CSRNP3: variants seen among roughly 807,000 people sequenced by gnomAD.
CSRNP3 encodes cysteine/serine-rich nuclear protein 3.
In CSRNP3, 12 loss-of-function variants were observed where a neutral mutation model predicts 48.0. The ratio of observed to expected loss-of-function variants is 0.25; its 90% confidence interval spans 0.16 to 0.41. The LOEUF is 0.41. CSRNP3 is among the 10% of genes least tolerant of loss of function. The pLI is 1.00. For synonymous variants in CSRNP3, 263 were observed against 269.7 expected (o/e 0.98, Z 0.24); for missense variants, 580 against 724.4 (o/e 0.80, Z 2.29).
At chr2:165,599,788 C>G (rs1367720711) in intron 4 of CSRNP3, among the ~76,000 whole-genome samples, 1 of 141,956 alleles carries the variant, frequency 7.0e-6, no homozygotes, top group Non-Finnish European at 1.6e-5. Flanking sequence ...TGTTTATAAA[C>G]TTTCAGAAAT....
rs147480191 is a variant in CSRNP3 at position 165,577,475 on chromosome 2, C to T, written c.-23-17568C>T. 3.1e-3 allele frequency among the ~76,000 whole-genome samples: 466 copies of T among 151,766 alleles called. 1 individual carries two copies. The highest frequency in any genetic ancestry group is 4.6e-3 in the Non-Finnish European group (311 of 67,748). Reference sequence around the variant, plus strand: ...TAGCTAAAGTTTATGACTATAAAGGCCAGTTCTTAAAAATGCCAATAGCTG... The same window carrying T: ...TAGCTAAAGTTTATGACTATAAAGGTCAGTTCTTAAAAATGCCAATAGCTG... On this transcript the variant is annotated intron_variant, in intron 3 of 6. Coordinates refer to ENST00000651982, the MANE Select transcript of CSRNP3 (RefSeq NM_001172173.2).
intron 5 of CSRNP3, 151 bp downstream of exon 5, chr2:165,658,171 CTGTT>C: frequency 2.4e-6 from 2 of 843,246 alleles, no homozygotes; most frequent in Non-Finnish European, 3.6e-6. Context: ...ACGATATAGT[CTGTT>C]TGCTAAAAGC....
chr2:165,566,871 G>A (rs1018683816), intron 3 of CSRNP3: 5 of 152,056 alleles, frequency 3.3e-5, no homozygotes, highest in African/African-American at 1.2e-4. Context: ...AATGTAAAAT[G>A]GATGAATGTA....
At chr2:165,535,303 A>ACTTTAG (rs1277889933) in intron 3 of CSRNP3, among the ~76,000 whole-genome samples, 1 of 151,420 alleles carries the variant, frequency 6.6e-6, no homozygotes, top group African/African-American at 2.4e-5. Flanking sequence ...TATTCTAAAT[A>ACTTTAG]CTTTAGCTTG....
intron 4 of CSRNP3, among the ~76,000 whole-genome samples, chr2:165,605,651 T>A (rs988303988): frequency 3.3e-5 from 5 of 152,278 alleles, no homozygotes; most frequent in African/African-American, 9.6e-5. Flanking sequence ...GCCACTGTGC[T>A]ACAGCCTGGA....
intron 3 of CSRNP3, among the ~76,000 whole-genome samples, chr2:165,548,629 T>G (rs1685060687): frequency 6.6e-6 from 1 of 152,082 alleles, no homozygotes; most frequent in African/African-American, 2.4e-5. Flanking sequence ...CACTAGGTCA[T>G]AACATTTTCT....
In CSRNP3 at chr2:165,667,052, A is replaced by AGAAAGAAAGAGAG. The variant is rs1558968323; in HGVS notation, c.408+9032_408+9033insGAAAGAAAGAGAG. ...AGAGGAAGAAAGAAAGAGAGAGAGA[A>AGAAAGAAAGAGAG]AGGAAGGAAGGAAGGAAAGAGAGAG... On this transcript the variant is annotated intron_variant, in intron 5 of 6. Transcript: ENST00000651982. Among the ~76,000 whole-genome samples, 41 of 16,868 alleles carry AGAAAGAAAGAGAG rather than the reference A, an allele frequency of 2.4e-3. 15 individuals are homozygous for AGAAAGAAAGAGAG. The highest frequency in any genetic ancestry group is 0.022 in the East Asian group (13 of 600). The allele number at this position is 16,868 out of a possible 152,430, so 11.1% of individuals were successfully genotyped here.
intron 1 of CSRNP3, among the ~76,000 whole-genome samples, chr2:165,481,793 C>T (rs928379782): frequency 6.6e-6 from 1 of 152,246 alleles, no homozygotes; most frequent in Non-Finnish European, 1.5e-5. Context: ...GAAATAGCTA[C>T]GTGGAGGCCA....
At chr2:165,580,962 T>A (rs1685536553) in intron 3 of CSRNP3, among the ~76,000 whole-genome samples, 1 of 152,190 alleles carries the variant, frequency 6.6e-6, no homozygotes, top group Non-Finnish European at 1.5e-5. Flanking sequence ...AAAATAAATT[T>A]TTCATTAACT....
intron 5 of CSRNP3, 83 bp from the exon 6 acceptor site, chr2:165,676,229 T>C (rs1687421070): frequency 6.3e-6 from 6 of 950,716 alleles, no homozygotes; most frequent in Non-Finnish European, 9.9e-6. Context: ...TGATATATAA[T>C]AGTTCATTCT....
chr2:165,587,366 A>C (rs1227392556), intron 3 of CSRNP3, among the ~76,000 whole-genome samples: 2 of 152,250 alleles, frequency 1.3e-5, no homozygotes, highest in Admixed American at 1.3e-4. Context: ...GTGACAGATG[A>C]GGAAATGATA....
At chr2:165,615,938 C>G (rs1053840752) in intron 4 of CSRNP3, among the ~76,000 whole-genome samples, 2 of 145,988 alleles carry the variant, frequency 1.4e-5, no homozygotes, top group African/African-American at 5.1e-5. Context: ...ACTATGTTGC[C>G]CATGCTGGTC....
intron 2 of CSRNP3, among the ~76,000 whole-genome samples, chr2:165,511,508 G>A (rs1684505433): frequency 6.6e-6 from 1 of 152,116 alleles, no homozygotes; most frequent in Non-Finnish European, 1.5e-5. Context: ...TTGGCCTTAG[G>A]GAGGAGAAGG....
intron 4 of CSRNP3, among the ~76,000 whole-genome samples, chr2:165,642,198 T>C (rs1394813973): frequency 2.6e-5 from 4 of 152,000 alleles, no homozygotes; most frequent in Non-Finnish European, 5.9e-5. Context: ...AAAGCAGAGC[T>C]GTAGCTAATA....
chr2:165,575,638 G>C (rs764751690), intron 3 of CSRNP3, among the ~76,000 whole-genome samples: 1 of 152,044 alleles, frequency 6.6e-6, no homozygotes, highest in Non-Finnish European at 1.5e-5. Flanking sequence ...TAATGATTAA[G>C]ATGAGGTATT....
chr2:165,670,732 T>C (rs996879153), intron 5 of CSRNP3, among the ~76,000 whole-genome samples: 1 of 152,206 alleles, frequency 6.6e-6, no homozygotes, highest in African/African-American at 2.4e-5. Context: ...ATGTCATATC[T>C]GCTTCTACCA....
intron 1 of CSRNP3, among the ~76,000 whole-genome samples, chr2:165,484,434 G>T (rs1356092270): frequency 6.6e-6 from 1 of 152,132 alleles, no homozygotes; most frequent in Non-Finnish European, 1.5e-5. Flanking sequence ...CTTGTGAGCG[G>T]ATCTGGGAGT....
At chr2:165,555,182 C>A (rs1226888079) in intron 3 of CSRNP3, among the ~76,000 whole-genome samples, 2 of 152,132 alleles carry the variant, frequency 1.3e-5, no homozygotes, top group Non-Finnish European at 1.5e-5. Context: ...TTCTCCAATG[C>A]ACTTACCACT....
intron 5 of CSRNP3, among the ~76,000 whole-genome samples, chr2:165,666,392 AAAGGAAGGAAG>A (rs1687203533): frequency 2.8e-5 from 1 of 35,154 alleles, no homozygotes; most frequent in East Asian, 1.2e-3. Flanking sequence ...AGAGAGAGAG[AAAGGAAGGAAG>A]GGAGGAAAGA....
Sources: gnomAD v4.1 joint callset for allele counts (sites outside exome capture counted in the v4.1 genomes callset) on GRCh38, gnomAD v4.1.1 for gene constraint, MANE v1.5 for transcripts, NCBI Gene and HGNC (gene_info 2026-07-23, HGNC 2026-07-21) for gene names.